The following IL1RAPL1 variants were observed in gnomAD, a reference collection of about 807,000 sequenced individuals.
IL1RAPL1 encodes interleukin-1 receptor accessory protein-like 1.
A neutral mutation model predicts 48.4 loss-of-function variants in IL1RAPL1; 3 were observed. That is an observed-to-expected ratio of 0.06 (90% CI 0.03 to 0.16). The LOEUF (loss-of-function observed/expected upper bound fraction) is 0.16. Ranked by LOEUF, IL1RAPL1 falls within the 10% of genes least tolerant of loss-of-function variation. The pLI is 1.00. For missense variants in IL1RAPL1, 349 were observed against 530.6 expected (o/e 0.66, Z 3.36); for synonymous variants, 185 against 187.7 (o/e 0.99, Z 0.12).
At chrX:29,071,362 G>A (rs905347326) in intron 2 of IL1RAPL1, among the ~76,000 whole-genome samples, 1 of 111,896 alleles carries the variant, frequency 8.9e-6, no homozygotes, top group Non-Finnish European at 1.9e-5. Flanking sequence ...AGTAATTCAA[G>A]CAAACAAAAC....
At chrX:29,084,076 C>T (rs1286025818) in intron 2 of IL1RAPL1, among the ~76,000 whole-genome samples, 1 of 111,687 alleles carries the variant, frequency 9.0e-6, no homozygotes, top group African/African-American at 3.3e-5. Context: ...GACAGGCTTG[C>T]ATCTCAGCAT....
intron 2 of IL1RAPL1, among the ~76,000 whole-genome samples, chrX:29,078,010 GCTCGT>G (rs1180749192): frequency 2.4e-4 from 27 of 112,351 alleles, no homozygotes; most frequent in Non-Finnish European, 4.5e-4. Flanking sequence ...CAGCACGGTG[GCTCGT>G]GCCTGTAATC....
At chrX:28,972,645 G>A (rs892469135) in intron 2 of IL1RAPL1, among the ~76,000 whole-genome samples, 5 of 111,019 alleles carry the variant, frequency 4.5e-5, no homozygotes, top group Admixed American at 1.9e-4. Flanking sequence ...AGGCTGAGGC[G>A]GGAGAATGGC....
At chrX:28,743,504 C>A (rs12839744) in intron 1 of IL1RAPL1, among the ~76,000 whole-genome samples, 15,831 of 110,546 alleles carry the variant, frequency 0.14, 1,041 homozygotes, top group Middle Eastern at 0.32. Flanking sequence ...GTGTCTGTCT[C>A]CTAGGGTTGA....
At chrX:29,596,474 T>C in intron 5 of IL1RAPL1, among the ~76,000 whole-genome samples, 1 of 112,075 alleles carries the variant, frequency 8.9e-6, no homozygotes, top group Admixed American at 9.5e-5. Flanking sequence ...CCTAAGTATT[T>C]GATTATTTTT....
intron 5 of IL1RAPL1, among the ~76,000 whole-genome samples, chrX:29,502,654 T>G (rs757664976): frequency 9.0e-6 from 1 of 111,709 alleles, no homozygotes; most frequent in South Asian, 3.7e-4. Context: ...ATCCCAAGGA[T>G]GAATCACACT....
chrX:28,999,313 T>G (rs377101337), intron 2 of IL1RAPL1, among the ~76,000 whole-genome samples: 9 of 111,281 alleles, frequency 8.1e-5, no homozygotes, highest in African/African-American at 2.9e-4. Context: ...TGCCTCTTAT[T>G]TTTCCTTCAT....
intron 1 of IL1RAPL1, among the ~76,000 whole-genome samples, chrX:28,636,656 A>AT (rs1334877349): frequency 1.8e-5 from 2 of 111,619 alleles, no homozygotes; most frequent in East Asian, 2.8e-4. Context: ...CATGATTGTA[A>AT]TTGGGCTGAT....
At chrX:29,430,714 A>C (rs1934412073) in intron 5 of IL1RAPL1, among the ~76,000 whole-genome samples, 1 of 110,106 alleles carries the variant, frequency 9.1e-6, no homozygotes, top group African/African-American at 3.3e-5. Context: ...AAATAAGTCT[A>C]ATGTATACTT....
chrX:28,612,398 C>T lies in IL1RAPL1; in HGVS notation c.-25+24351C>T, dbSNP rs561721155. On this transcript the variant is annotated intron_variant, in intron 1 of 10. Coordinates refer to ENST00000378993, the MANE Select transcript of IL1RAPL1 (RefSeq NM_014271.4). ...TAGAAGTGGTCCCAGGGACCCCGGG[C>T]GGGGCGTTTTAAATTTTGGGGTGGC... is the stretch of plus-strand genomic sequence containing the variant. 1.2e-4 allele frequency among the ~76,000 whole-genome samples: 13 copies of T among 111,674 alleles called. No individual in the cohort carries two copies. The South Asian group carries it at 1.9e-3, about 16-fold the overall frequency.
At chrX:29,690,156 A>G (rs1363763081) in intron 6 of IL1RAPL1, among the ~76,000 whole-genome samples, 2 of 111,723 alleles carry the variant, frequency 1.8e-5, no homozygotes, top group Non-Finnish European at 3.8e-5. Context: ...GTTGAGTGGG[A>G]GGAAGGTGAT....
In IL1RAPL1 at chrX:29,343,010, C is replaced by T. The variant is rs1933103834; in HGVS notation, c.363-53248C>T. On this transcript the variant is annotated intron_variant, in intron 3 of 10. Transcript: ENST00000378993. ...AAGTCGTTCTTGGACAGTTCAGCCT[C>T]ATTACTTCTGGAGGTCTCTCTCATC... Among the ~76,000 whole-genome samples the T allele has an allele frequency of 2.7e-5, 3 of 112,076 alleles. No homozygotes were observed. In the South Asian group the frequency reaches 1.1e-3, roughly 42 times the overall value.
At chrX:29,374,601 A>C (rs1825900980) in intron 3 of IL1RAPL1, among the ~76,000 whole-genome samples, 1 of 109,691 alleles carries the variant, frequency 9.1e-6, no homozygotes, top group African/African-American at 3.3e-5. Context: ...GAGATGCCGT[A>C]CAAAGATTGT....
rs746050241 is a variant in IL1RAPL1, at chrX:29,065,649, C to T, written c.83-217289C>T. Reference sequence around the variant, plus strand: ...TCCTTCTGTTCTGATATGCTCATTACGTGCATGTTGTGTGCTTAATGGTTG... The same window carrying T: ...TCCTTCTGTTCTGATATGCTCATTATGTGCATGTTGTGTGCTTAATGGTTG... On this transcript the variant is annotated intron_variant, in intron 2 of 10. Transcript: ENST00000378993. 5.5e-4 allele frequency among the ~76,000 whole-genome samples: 61 copies of T among 111,675 alleles called. 1 individual carries two copies. Among genetic ancestry groups the T allele is most frequent in the Middle Eastern group, 9.1e-3 (2 of 219 alleles).
At chrX:28,611,837 T>A (rs1278708996) in intron 1 of IL1RAPL1, among the ~76,000 whole-genome samples, 3 of 112,673 alleles carry the variant, frequency 2.7e-5, no homozygotes, top group Admixed American at 1.9e-4. Flanking sequence ...GGGGAACAGA[T>A]AACTGTAGAA....
chrX:28,961,043 G>T (rs973061099), intron 2 of IL1RAPL1, among the ~76,000 whole-genome samples: 7 of 104,833 alleles, frequency 6.7e-5, no homozygotes, highest in African/African-American at 2.4e-4. Flanking sequence ...AAAAGTGTGG[G>T]TAATAAGAGG....
intron 6 of IL1RAPL1, among the ~76,000 whole-genome samples, chrX:29,738,502 A>C (rs1025819178): frequency 1.2e-5 from 1 of 85,321 alleles, no homozygotes; most frequent in Non-Finnish European, 2.1e-5. Context: ...GCTGGAGTGT[A>C]TGGTGTGATC....
At chrX:29,214,604 T>C (rs1229672128) in intron 2 of IL1RAPL1, among the ~76,000 whole-genome samples, 2 of 111,934 alleles carry the variant, frequency 1.8e-5, no homozygotes, top group Admixed American at 9.5e-5. Context: ...AGAGCCATCA[T>C]TTTATAAGTA....
At chrX:28,906,282 G>A (rs1213352575) in intron 2 of IL1RAPL1, among the ~76,000 whole-genome samples, 1 of 112,473 alleles carries the variant, frequency 8.9e-6, no homozygotes, top group Admixed American at 9.4e-5. Flanking sequence ...ATTTGGGTGG[G>A]GACATAGCCA....
Sources: allele counts gnomAD v4.1 joint callset (sites outside exome capture counted in the v4.1 genomes callset), GRCh38; gene constraint gnomAD v4.1.1; transcripts MANE v1.5; gene names NCBI Gene and HGNC (gene_info 2026-07-23, HGNC 2026-07-21).